The following SLC12A6 variants were observed in gnomAD, a reference collection of about 807,000 sequenced individuals.
SLC12A6 encodes solute carrier family 12 member 6.
SLC12A6 carries 66 observed loss-of-function variants against 135.3 expected under a neutral mutation model. The observed-to-expected ratio is 0.49, with a 90% confidence interval of 0.40 to 0.60. SLC12A6 has a LOEUF of 0.60. SLC12A6 is among the 20% of genes least tolerant of loss of function. The probability of loss-of-function intolerance (pLI) is 0.00; values close to 1 mark genes in which losing one functional copy is unlikely to be tolerated. For missense variants in SLC12A6, 1,058 were observed against 1,452.3 expected, an observed-to-expected ratio of 0.73 and a Z score of 4.41; for synonymous variants, 513 against 508.8, an observed-to-expected ratio of 1.01 and a Z score of -0.11.
chr15:34,271,608 C>A (rs1893953165), intron 3 of SLC12A6, among the ~76,000 whole-genome samples: 1 of 151,716 alleles, frequency 6.6e-6, no homozygotes, highest in Non-Finnish European at 1.5e-5. Flanking sequence ...AAGCTACACA[C>A]ACACACACAC....
chr15:34,277,260 G>A (rs142305475), intron 2 of SLC12A6, among the ~76,000 whole-genome samples: 87 of 152,130 alleles, frequency 5.7e-4, no homozygotes, highest in African/African-American at 2.0e-3. Context: ...TAGTGAGACC[G>A]CATCTCTATG....
intron 2 of SLC12A6, among the ~76,000 whole-genome samples, chr15:34,326,069 C>T (rs188601583): frequency 1.6e-3 from 239 of 152,290 alleles, no homozygotes; most frequent in Admixed American, 3.0e-3. Flanking sequence ...CCATTTTGGC[C>T]GCTGATCCAA....
At position 34,231,323 on chromosome 15, in the gene SLC12A6, T is replaced by A. The variant is rs1890912995; in HGVS notation, c.*2558A>T. On this transcript the variant is annotated 3_prime_UTR_variant, in exon 26 of 26. Transcript: ENST00000354181. ...GTTGCGGTGAGCCAAGATTGTGCCA[T>A]TTCACTCCAGCCTGGGCAACAAGAG... 6.6e-6 allele frequency: 1 copy of A among 151,634 alleles called. No homozygotes were observed. The highest frequency in any genetic ancestry group is 1.5e-5 in the Non-Finnish European group (1 of 68,182). 9.4% of individuals were successfully genotyped at this position (151,634 alleles called of 1,614,324 possible).
At chr15:34,310,632 G>GATC in intron 2 of SLC12A6, among the ~76,000 whole-genome samples, 1 of 24,136 alleles carries the variant, frequency 4.1e-5, no homozygotes. Flanking sequence ...GGGCTCAAGT[G>GATC]TGTGTGTGTG....
chr15:34,275,102 T>A (rs1894206702), intron 3 of SLC12A6, among the ~76,000 whole-genome samples: 1 of 152,222 alleles, frequency 6.6e-6, no homozygotes, highest in Admixed American at 6.5e-5. Flanking sequence ...AGTTCTTAGA[T>A]TTTTTTTAAC....
At chr15:34,273,381 C>T (rs1894093202) in intron 3 of SLC12A6, among the ~76,000 whole-genome samples, 1 of 151,992 alleles carries the variant, frequency 6.6e-6, no homozygotes, top group Non-Finnish European at 1.5e-5. Context: ...AAACAAAAAA[C>T]CTCTAACATC....
At chr15:34,275,528 T>C (rs1158750196) in intron 2 of SLC12A6, 139 bp from the exon 3 acceptor site, 1 of 638,566 alleles carries the variant, frequency 1.6e-6, no homozygotes, top group Non-Finnish European at 2.8e-6. Flanking sequence ...GTGAAGATAA[T>C]AAAAAATAGA....
chr15:34,319,447 A>G (rs181693590), intron 2 of SLC12A6, among the ~76,000 whole-genome samples: 145 of 151,958 alleles, frequency 9.5e-4, no homozygotes, highest in African/African-American at 3.3e-3. Context: ...CCAGCCGGGA[A>G]TGGTTCATTT....
intron 2 of SLC12A6, among the ~76,000 whole-genome samples, chr15:34,289,705 TGGGA>T (rs796781016): frequency 1.7e-4 from 26 of 152,308 alleles, no homozygotes; most frequent in African/African-American, 6.3e-4. Flanking sequence ...TGTTTAGTCT[TGGGA>T]GGGTGTATGT....
At chr15:34,318,688 T>C (rs2141116396) in intron 2 of SLC12A6, 2 of 1,613,578 alleles carry the variant, frequency 1.2e-6, no homozygotes, top group East Asian at 4.5e-5. Flanking sequence ...TTGTTATAGT[T>C]AGATAATACT....
At chr15:34,300,793 CAAAA>C (rs71763739) in intron 2 of SLC12A6, among the ~76,000 whole-genome samples, 1 of 98,806 alleles carries the variant, frequency 1.0e-5, no homozygotes. Flanking sequence ...GACTCCGTCT[CAAAA>C]AAAAAAAAAA....
intron 6 of SLC12A6, among the ~76,000 whole-genome samples, chr15:34,256,855 G>A (rs1332334853): frequency 6.6e-6 from 1 of 152,156 alleles, no homozygotes. Context: ...AAAGGGCTGA[G>A]TGTAAAAGAT....
chr15:34,248,387 T>A (rs989910068), intron 13 of SLC12A6, among the ~76,000 whole-genome samples: 1 of 152,152 alleles, frequency 6.6e-6, no homozygotes, highest in Admixed American at 6.5e-5. Context: ...TGCTGAGTCA[T>A]AGGTAAGCAC....
intron 2 of SLC12A6, among the ~76,000 whole-genome samples, chr15:34,319,528 G>A (rs1292722515): frequency 6.6e-6 from 1 of 152,070 alleles, no homozygotes; most frequent in South Asian, 2.1e-4. Context: ...GCTGTGCGCC[G>A]TTGCTCACAC....
chr15:34,236,907 AG>A, intron 22 of SLC12A6, 92 bp from the exon 23 acceptor site: 1 of 772,440 alleles, frequency 1.3e-6, no homozygotes, highest in Non-Finnish European at 2.3e-6. Flanking sequence ...AAATTAAACC[AG>A]GGACAGCATC....
At chr15:34,271,985 G>C (rs1044213216) in intron 3 of SLC12A6, among the ~76,000 whole-genome samples, 1 of 150,702 alleles carries the variant, frequency 6.6e-6, no homozygotes, top group Non-Finnish European at 1.5e-5. Flanking sequence ...TTTTGTTTTT[G>C]TTTTTTTTGA....
In SLC12A6 at chr15:34,310,708, AGT is replaced by A. The variant is rs371907295; in HGVS notation, c.271+25700_271+25701del. On this transcript the variant is annotated intron_variant, in intron 2 of 25. Coordinates refer to ENST00000354181, the MANE Select transcript of SLC12A6 (RefSeq NM_001365088.1). ...CTGGTGTTGAACTCCTGGGCTCAAGAGTGTGTGTGTGTGTGTGTGTGTGTCCC... is the reference window on the plus strand; with the variant it reads ...CTGGTGTTGAACTCCTGGGCTCAAGAGTGTGTGTGTGTGTGTGTGTGTCCC... Among the ~76,000 whole-genome samples the A allele has an allele frequency of 1.1e-3, 17 of 15,030 alleles. 1 individual carries two copies. The highest frequency in any genetic ancestry group is 7.6e-3 in the East Asian group (5 of 660). 9.9% of individuals were successfully genotyped at this position (15,030 alleles called of 152,430 possible).
At position 34,255,314 on chromosome 15, in the gene SLC12A6, C is replaced by G. The variant is rs1245899339; in HGVS notation, c.824G>C (p.Gly275Ala). 6.2e-7 allele frequency: 1 copy of G among 1,611,264 alleles called. No individual in the cohort carries two copies. The highest frequency in any genetic ancestry group is 1.1e-5 in the South Asian group (1 of 91,018). The change falls in exon 8 of 26, where the codon GGT becomes GCT. Residue 275 changes from glycine (G) to alanine (A), a missense_variant. Transcript: ENST00000354181. The part of the protein sequence containing the change: ...GGAVGLCFYL[G>A]TTFAAAMYIL... ...GTACATGGCTGCTGCAAATGTGGTA[C>G]CAAGATAAAAGCAGAGGCCAACAGC...
chr15:34,324,928 AAAAAT>A (rs1429705554), intron 2 of SLC12A6, among the ~76,000 whole-genome samples: 2 of 152,182 alleles, frequency 1.3e-5, no homozygotes, highest in African/African-American at 2.4e-5. Flanking sequence ...GAATTACTAG[AAAAAT>A]AAAATAAATA....
Sources: gnomAD v4.1 joint callset for allele counts (sites outside exome capture counted in the v4.1 genomes callset) on GRCh38, gnomAD v4.1.1 for gene constraint, MANE v1.5 for transcripts, NCBI Gene and HGNC (gene_info 2026-07-23, HGNC 2026-07-21) for gene names.